The following ESRRB variants were observed in gnomAD, a reference collection of about 807,000 sequenced individuals.
ESRRB encodes the protein estrogen related receptor beta.
ESRRB carries 16 observed loss-of-function variants against 46.0 expected under a neutral mutation model. The ratio of observed to expected loss-of-function variants is 0.35; its 90% CI spans 0.24 to 0.53. The LOEUF (loss-of-function observed/expected upper bound fraction) is 0.53. ESRRB is among the 20% of genes least tolerant of loss of function. The pLI, the probability that ESRRB is intolerant of heterozygous loss-of-function variation, is 0.93. For synonymous variants in ESRRB, 246 were observed against 259.6 expected, an observed-to-expected ratio of 0.95 and a Z score of 0.50; for missense variants, 488 against 607.4, an observed-to-expected ratio of 0.80 and a Z score of 2.07.
At chr14:76,358,820 C>T (rs1393185847) in intron 1 of ESRRB, among the ~76,000 whole-genome samples, 1 of 152,202 alleles carries the variant, frequency 6.6e-6, no homozygotes, top group African/African-American at 2.4e-5. Flanking sequence ...AGAAGACAGA[C>T]TTAAGAGCTT....
At chr14:76,328,271 C>A (rs893941224) in intron 1 of ESRRB, among the ~76,000 whole-genome samples, 1 of 152,170 alleles carries the variant, frequency 6.6e-6, no homozygotes, top group African/African-American at 2.4e-5. Context: ...TGCATTTTAG[C>A]AAAAGCTCTA....
At chr14:76,493,796 T>C (rs1348747655) in intron 6 of ESRRB, among the ~76,000 whole-genome samples, 5 of 152,240 alleles carry the variant, frequency 3.3e-5, no homozygotes, top group African/African-American at 1.2e-4. Context: ...TGGATCCCTT[T>C]TACTGGGTTA....
chr14:76,356,319 T>C (rs999974356), intron 1 of ESRRB, among the ~76,000 whole-genome samples: 3 of 152,222 alleles, frequency 2.0e-5, no homozygotes, highest in East Asian at 1.9e-4. Flanking sequence ...TTATGGGATG[T>C]GCTTGTCTAA....
chr14:76,395,020 T>C (rs1225696764), intron 1 of ESRRB, among the ~76,000 whole-genome samples: 1 of 152,208 alleles, frequency 6.6e-6, no homozygotes, highest in Non-Finnish European at 1.5e-5. Context: ...ATCATCTCCC[T>C]ATGTGGGCCC....
At chr14:76,424,294 C>T (rs1000422309) in intron 1 of ESRRB, among the ~76,000 whole-genome samples, 4 of 152,136 alleles carry the variant, frequency 2.6e-5, no homozygotes, top group African/African-American at 9.7e-5. Flanking sequence ...AGTTAAGATG[C>T]CTCTTTGTCA....
chr14:76,485,618 C>T (rs1247438857), intron 5 of ESRRB, among the ~76,000 whole-genome samples: 3 of 132,658 alleles, frequency 2.3e-5, no homozygotes, highest in Non-Finnish European at 3.2e-5. Flanking sequence ...AGATGGGCTC[C>T]CTATCCCTGA....
chr14:76,474,104 G>C (rs548565790), intron 3 of ESRRB, among the ~76,000 whole-genome samples: 1 of 152,352 alleles, frequency 6.6e-6, no homozygotes, highest in African/African-American at 2.4e-5. Context: ...CCCAGTGTTG[G>C]GGCTGTGTGC....
At chr14:76,460,906 G>T (rs1053539503) in intron 2 of ESRRB, among the ~76,000 whole-genome samples, 1 of 151,674 alleles carries the variant, frequency 6.6e-6, no homozygotes, top group Non-Finnish European at 1.5e-5. Context: ...GGGTTTCACC[G>T]TATTGGCCAG....
At chr14:76,397,491 C>G (rs1204036952) in intron 1 of ESRRB, among the ~76,000 whole-genome samples, 1 of 152,238 alleles carries the variant, frequency 6.6e-6, no homozygotes, top group Non-Finnish European at 1.5e-5. Flanking sequence ...TGACCTTACC[C>G]TGGGAATCCC....
intron 2 of ESRRB, among the ~76,000 whole-genome samples, chr14:76,457,020 T>C (rs1414058084): frequency 6.6e-6 from 1 of 152,116 alleles, no homozygotes; most frequent in African/African-American, 2.4e-5. Flanking sequence ...GAGCTATTTG[T>C]CCGAGCTTAG....
chr14:76,340,880 A>G (rs908205900), intron 1 of ESRRB, among the ~76,000 whole-genome samples: 1 of 152,150 alleles, frequency 6.6e-6, no homozygotes, highest in Non-Finnish European at 1.5e-5. Context: ...GCTGAACTGC[A>G]ATGTCTGCTC....
rs1888925862 is a variant in ESRRB at position 76,462,770 on chromosome 14, C to G, written c.577+109C>G. 2.8e-5 allele frequency: 24 copies of G among 859,734 alleles called. 1 individual carries two copies. The South Asian group carries it at 2.9e-4, about 10-fold the overall frequency. 53.3% of individuals were successfully genotyped at this position (859,734 alleles called of 1,614,324 possible). ...GTGGACCTGTGTCCCAGGGTGAGAC[C>G]CAGTCTGAGCGCCCATCTCCTCCCA... is the stretch of plus-strand genomic sequence containing the variant. On this transcript the variant is annotated intron_variant, in intron 3 of 6. Coordinates refer to ENST00000644823, the MANE Select transcript of ESRRB (RefSeq NM_001379180.1).
At chr14:76,398,351 G>C (rs7140182) in intron 1 of ESRRB, among the ~76,000 whole-genome samples, 133,253 of 152,218 alleles carry the variant, frequency 0.88, 58,509 homozygotes, top group African/African-American at 0.96. Flanking sequence ...CCAAAGTCCA[G>C]TGTGCTGGAC....
chr14:76,425,040 C>T (rs1177792150), intron 1 of ESRRB, among the ~76,000 whole-genome samples: 5 of 152,136 alleles, frequency 3.3e-5, no homozygotes, highest in Non-Finnish European at 7.3e-5. Flanking sequence ...TGAGCCACTG[C>T]GCCTGGCCTG....
chr14:76,393,967 A>ATTTTTTTTTTTTTTTT (rs71122531), intron 1 of ESRRB, among the ~76,000 whole-genome samples: 137 of 126,948 alleles, frequency 1.1e-3, no homozygotes, highest in Non-Finnish European at 1.5e-3. Flanking sequence ...TGCCTGGCTA[A>ATTTTTTTTTTTTTTTT]TTTTTTTTTT....
intron 1 of ESRRB, among the ~76,000 whole-genome samples, chr14:76,416,996 G>T (rs958321919): frequency 1.2e-4 from 19 of 152,254 alleles, no homozygotes; most frequent in African/African-American, 3.6e-4. Context: ...AATTAGCCGG[G>T]CATGGTGGCG....
intron 1 of ESRRB, among the ~76,000 whole-genome samples, chr14:76,356,916 GGGGCCTTGTT>G (rs915469630): frequency 2.6e-5 from 4 of 152,206 alleles, no homozygotes; most frequent in African/African-American, 9.6e-5. Flanking sequence ...AGGAGGGAAA[GGGGCCTTGTT>G]GGGCCTTTGA....
intron 1 of ESRRB, among the ~76,000 whole-genome samples, chr14:76,395,777 G>A (rs1885651629): frequency 6.8e-6 from 1 of 146,192 alleles, no homozygotes; most frequent in African/African-American, 2.6e-5. Context: ...TATTTAATTA[G>A]GAGTTATTAT....
At chr14:76,474,210 T>G (rs921660765) in intron 3 of ESRRB, among the ~76,000 whole-genome samples, 1 of 152,228 alleles carries the variant, frequency 6.6e-6, no homozygotes, top group African/African-American at 2.4e-5. Flanking sequence ...GGGGATGTGT[T>G]TCTCTCTTCC....
Sources: gnomAD v4.1 joint callset for allele counts (sites outside exome capture counted in the v4.1 genomes callset) on GRCh38, gnomAD v4.1.1 for gene constraint, MANE v1.5 for transcripts, NCBI Gene and HGNC (gene_info 2026-07-23, HGNC 2026-07-21) for gene names.